Variants in LRRCC1 observed in about 807,000 individuals in gnomAD.
LRRCC1 encodes the protein leucine-rich repeat and coiled-coil domain-containing protein 1.
Under a neutral mutation model 126.0 loss-of-function variants are expected in LRRCC1, and 115 were observed. The observed-to-expected ratio is 0.91, with a 90% CI of 0.78 to 1.07. The LOEUF is 1.07. LRRCC1 is among the 50% of genes least tolerant of loss of function. The pLI is 0.00. For missense variants in LRRCC1, 1,172 were observed against 1,175.7 expected, an observed-to-expected ratio of 1.00 and a Z score of 0.05; for synonymous variants, 400 against 393.4, an observed-to-expected ratio of 1.02 and a Z score of -0.20.
At chr8:85,126,606 C>A (rs1810019247) in intron 8 of LRRCC1, 83 bp from the exon 9 acceptor site, 1 of 1,156,136 alleles carries the variant, frequency 8.6e-7, no homozygotes, top group Admixed American at 2.4e-5. Flanking sequence ...TACTATTATT[C>A]CCCTGTTATA....
Position 85,131,929 on chromosome 8 carries a change from G to C in LRRCC1, c.1936G>C (p.Ala646Pro). The stretch of plus-strand genomic sequence containing the variant: ...GGATTTAGAAAATGAATTCCGTATT[G>C]CTTTAACTGTTGAAGCCAGAAGATT... ...YMDLENEFRI[A>P]LTVEARRFQD... The change falls in exon 12 of 19, where the codon GCT becomes CCT. Residue 646 changes from alanine (A) to proline (P), a missense_variant. Physicochemically the swap from Ala to Pro is conservative, Grantham distance 27. Transcript: ENST00000360375. 1.2e-6 allele frequency: 2 copies of C among 1,612,778 alleles called. No homozygotes were observed. Among genetic ancestry groups the C allele is most frequent in the Non-Finnish European group, 1.7e-6 (2 of 1,179,682 alleles).
chr8:85,108,537 A>C (rs1415039331), intron 1 of LRRCC1: 2 of 152,190 alleles, frequency 1.3e-5, no homozygotes, highest in African/African-American at 4.8e-5. Context: ...GCACATTATT[A>C]ATGTCGAGAA....
At chr8:85,141,355 A>G (rs371375461) in intron 17 of LRRCC1, 27 bp from the exon 18 acceptor site, 1 of 1,593,788 alleles carries the variant, frequency 6.3e-7, no homozygotes, top group Non-Finnish European at 8.6e-7. Context: ...ATACACATAT[A>G]TATGTGGATG....
intron 14 of LRRCC1, among the ~76,000 whole-genome samples, chr8:85,136,784 T>G (rs927404656): frequency 2.0e-5 from 3 of 152,202 alleles, no homozygotes; most frequent in East Asian, 3.8e-4. Context: ...TGTTTTGTTT[T>G]GTTTGCATTC....
intron 4 of LRRCC1, among the ~76,000 whole-genome samples, chr8:85,113,840 T>G (rs1587372494): frequency 6.6e-6 from 1 of 152,110 alleles, no homozygotes; most frequent in African/African-American, 2.4e-5. Context: ...TTGACAAAGA[T>G]AAAGCAGACC....
chr8:85,137,352 GTTTC>G lies in LRRCC1; in HGVS notation c.2330-108_2330-105del, dbSNP rs953403051. ...TTCATATTGTACTATTATAAGCTAT[GTTTC>G]TTTATTTAGTTTTTTTATTATTATT... On this transcript the variant is annotated intron_variant, in intron 14 of 18. Transcript: ENST00000360375. 127 of 617,066 alleles carry G rather than the reference GTTTC, an allele frequency of 2.1e-4. No individual in the cohort carries two copies. In the African/African-American group the frequency reaches 2.2e-3, roughly 11 times the overall value. 38.2% of individuals were successfully genotyped at this position (617,066 alleles called of 1,614,324 possible). A position where few individuals can be genotyped will look rare whatever the true frequency, so the allele number is the denominator to read the frequency against.
In LRRCC1 at chr8:85,137,463, G is replaced by C; in HGVS notation, c.2330-1G>C. The stretch of plus-strand genomic sequence containing the variant: ...TGTAATTGATGATTTTTGTTTCTTA[G>C]GATCTTCTCTAGCCCAAAATCGTGG... On this transcript the variant is annotated splice_acceptor_variant, in intron 14 of 18. Coordinates refer to ENST00000360375, the MANE Select transcript of LRRCC1 (RefSeq NM_033402.5). LOFTEE classifies it high-confidence loss of function. The C allele has an allele frequency of 2.6e-6, 4 of 1,544,642 alleles. No homozygotes were observed. The highest frequency in any genetic ancestry group is 3.5e-6 in the Non-Finnish European group (4 of 1,155,692).
chr8:85,144,468 A>T lies in LRRCC1; in HGVS notation c.2977-921A>T, dbSNP rs1327655028. ...TGTATATATATATATATATATATAT[A>T]TATATATTTTTTTTTTTTTTGAGAT... On this transcript the variant is annotated intron_variant, in intron 18 of 18. Coordinates refer to ENST00000360375, the MANE Select transcript of LRRCC1 (RefSeq NM_033402.5). Among the ~76,000 whole-genome samples, 5 of 40,490 alleles carry T rather than the reference A, an allele frequency of 1.2e-4. 1 individual carries two copies. The highest frequency in any genetic ancestry group is 6.4e-4 in the African/African-American group (4 of 6,230). 26.6% of individuals were successfully genotyped at this position (40,490 alleles called of 152,430 possible).
Position 85,138,371 on chromosome 8 carries a change from A to G in LRRCC1, c.2736A>G (p.Glu912=). ...TLNRKWHDKG[E]LLCHLETQVK... ...ATCGGAAGTGGCATGATAAAGGAGA[A>G]CTTCTATGTCATCTTGAAACACAAG... Residue 912 remains glutamate, a synonymous_variant, in exon 17 of 19, where the codon GAA becomes GAG. Coordinates refer to ENST00000360375, the MANE Select transcript of LRRCC1 (RefSeq NM_033402.5). 6.2e-7 allele frequency: 1 copy of G among 1,610,230 alleles called. No homozygotes were observed. The highest frequency in any genetic ancestry group is 1.7e-5 in the Admixed American group (1 of 59,312).
At chr8:85,111,049 C>T (rs1164724196) in intron 3 of LRRCC1, among the ~76,000 whole-genome samples, 2 of 152,168 alleles carry the variant, frequency 1.3e-5, no homozygotes, top group Admixed American at 1.3e-4. Flanking sequence ...TTTTTTAAAA[C>T]CTTTTTTCCT....
chr8:85,144,442 GTGTATA>G (rs1186350926), intron 18 of LRRCC1, among the ~76,000 whole-genome samples: 8 of 106,768 alleles, frequency 7.5e-5, no homozygotes, highest in African/African-American at 1.6e-4. Flanking sequence ...GTGTGTGTGT[GTGTATA>G]TATATATATA....
At chr8:85,140,234 G>T (rs1429043445) in intron 17 of LRRCC1, among the ~76,000 whole-genome samples, 2 of 152,014 alleles carry the variant, frequency 1.3e-5, no homozygotes, top group Non-Finnish European at 2.9e-5. Flanking sequence ...TAATTTAAGG[G>T]AATTGTAATA....
At chr8:85,115,830 T>G (rs1809077596) in intron 6 of LRRCC1, among the ~76,000 whole-genome samples, 1 of 152,224 alleles carries the variant, frequency 6.6e-6, no homozygotes, top group Admixed American at 6.5e-5. Flanking sequence ...TTTGTCTTGT[T>G]CTGCAGTACT....
chr8:85,136,067 A>G (rs1810838932), intron 14 of LRRCC1, 104 bp downstream of exon 14: 1 of 961,888 alleles, frequency 1.0e-6, no homozygotes, highest in Non-Finnish European at 1.4e-6. Flanking sequence ...GATGCCAAGA[A>G]AAAAGGTGAC....
intron 18 of LRRCC1, among the ~76,000 whole-genome samples, chr8:85,142,831 CAAA>C (rs35806219): frequency 7.5e-5 from 9 of 119,510 alleles, no homozygotes; most frequent in Admixed American, 8.9e-5. Context: ...GACCCTGTCT[CAAA>C]AAAAAAAAAA....
rs1344549934 is a variant in LRRCC1 at position 85,138,196 on chromosome 8, G to A, written c.2655G>A (p.Gln885=). 1 of 1,612,292 alleles carries A rather than the reference G, an allele frequency of 6.2e-7. No homozygotes were observed. The highest frequency in any genetic ancestry group is 8.5e-7 in the Non-Finnish European group (1 of 1,179,208). Residue 885 remains glutamine, a synonymous_variant, in exon 16 of 19, where the codon CAG becomes CAA. Coordinates refer to ENST00000360375, the MANE Select transcript of LRRCC1 (RefSeq NM_033402.5). ...HNERKEKLKQ[Q]LKGKEVELEE... ...AAAGAAAAGAAAAACTAAAACAACA[G>A]TTGAAAGGAAAGGAAGTAGAACTTG...
intron 15 of LRRCC1, 111 bp downstream of exon 15, chr8:85,137,738 G>T (rs1159054088): frequency 2.6e-6 from 2 of 771,972 alleles, no homozygotes; most frequent in Non-Finnish European, 3.9e-6. Context: ...GTAAAATTTG[G>T]GGTAGATATC....
chr8:85,115,509 T>C lies in LRRCC1; in HGVS notation c.855T>C (p.Asn285=), dbSNP rs967875254. Residue 285 remains asparagine, a synonymous_variant, in exon 6 of 19, where the codon AAT becomes AAC. Transcript: ENST00000360375. ...GTCAATCTTCTGAGCCAGAGAAAAATAATCATGAAAACGATTTGCAGAATG... is the reference window on the plus strand; with the variant it reads ...GTCAATCTTCTGAGCCAGAGAAAAACAATCATGAAAACGATTTGCAGAATG... The part of the protein sequence containing the change: ...SVCQSSEPEK[N]NHENDLQNEI... The C allele has an allele frequency of 4.3e-6, 7 of 1,613,588 alleles. No homozygotes were observed. In the African/African-American group the frequency reaches 8.0e-5, roughly 18 times the overall value.
intron 9 of LRRCC1, among the ~76,000 whole-genome samples, chr8:85,127,454 T>C (rs1810102615): frequency 6.6e-6 from 1 of 152,240 alleles, no homozygotes; most frequent in African/African-American, 2.4e-5. Flanking sequence ...GATTATAACA[T>C]GTTTAGAGTT....
Sources: allele counts gnomAD v4.1 joint callset (sites outside exome capture counted in the v4.1 genomes callset), GRCh38; gene constraint gnomAD v4.1.1; transcripts MANE v1.5; gene names NCBI Gene and HGNC (gene_info 2026-07-23, HGNC 2026-07-21).